The following USP49 variants were observed in gnomAD, a reference collection of about 807,000 sequenced individuals.
The protein encoded by USP49 is ubiquitin carboxyl-terminal hydrolase 49.
Under a neutral mutation model 58.6 loss-of-function variants are expected in USP49, and 24 were observed. The ratio of observed to expected loss-of-function variants is 0.41; its 90% CI spans 0.30 to 0.58. The LOEUF (loss-of-function observed/expected upper bound fraction) is 0.58, where lower values mean the gene tolerates loss of function less well. Ranked by LOEUF, USP49 falls within the 20% of genes least tolerant of loss-of-function variation. USP49 has a pLI of 0.30. For synonymous variants in USP49, 408 were observed against 365.1 expected (o/e 1.12, Z -1.34); for missense variants, 703 against 866.1 (o/e 0.81, Z 2.36).
At chr6:41,812,966 C>T (rs1773285232) in intron 3 of USP49, among the ~76,000 whole-genome samples, 1 of 152,012 alleles carries the variant, frequency 6.6e-6, no homozygotes, top group South Asian at 2.1e-4. Context: ...ATTATTATTA[C>T]ACATTATTAT....
intron 3 of USP49, among the ~76,000 whole-genome samples, chr6:41,852,598 T>C (rs988267344): frequency 2.6e-5 from 4 of 152,228 alleles, no homozygotes; most frequent in Non-Finnish European, 4.4e-5. Context: ...AATGGAAAGA[T>C]ATCCATGTTC....
intron 2 of USP49, among the ~76,000 whole-genome samples, chr6:41,879,536 AAGG>A (rs1455978881): frequency 6.6e-6 from 1 of 152,174 alleles, no homozygotes; most frequent in Non-Finnish European, 1.5e-5. Context: ...AAGCTAAAAA[AAGG>A]AGAATGGAGT....
intron 3 of USP49, among the ~76,000 whole-genome samples, chr6:41,855,953 C>T (rs1237233621): frequency 1.3e-5 from 2 of 151,942 alleles, no homozygotes; most frequent in Admixed American, 1.3e-4. Context: ...GGGGCTGAGG[C>T]AGGAGGATCG....
intron 3 of USP49, among the ~76,000 whole-genome samples, chr6:41,823,904 C>G (rs1335655959): frequency 6.6e-6 from 1 of 152,040 alleles, no homozygotes; most frequent in African/African-American, 2.4e-5. Context: ...AGGGAATCGG[C>G]TGAATGGTGA....
intron 3 of USP49, among the ~76,000 whole-genome samples, chr6:41,854,534 C>T (rs1445911000): frequency 6.6e-6 from 1 of 152,098 alleles, no homozygotes; most frequent in East Asian, 1.9e-4. Context: ...GGGTAAGATT[C>T]CTATCTATTT....
chr6:41,798,509 C>G (rs1772931033), intron 7 of USP49: 1 of 1,375,940 alleles, frequency 7.3e-7, no homozygotes, highest in East Asian at 2.6e-5. Context: ...CTCCTGACCT[C>G]AGGTGATCCA....
intron 6 of USP49, among the ~76,000 whole-genome samples, chr6:41,799,377 G>T (rs1466079966): frequency 6.6e-6 from 1 of 152,128 alleles, no homozygotes; most frequent in East Asian, 1.9e-4. Flanking sequence ...AAAGTTCTAG[G>T]GTTACAGTCA....
chr6:41,840,801 A>G (rs1411599987), intron 3 of USP49, among the ~76,000 whole-genome samples: 2 of 152,152 alleles, frequency 1.3e-5, no homozygotes, highest in Non-Finnish European at 2.9e-5. Context: ...TGTAATGTCT[A>G]ATTTTTAAAA....
chr6:41,844,323 T>A (rs1012268679), intron 3 of USP49, among the ~76,000 whole-genome samples: 13 of 152,244 alleles, frequency 8.5e-5, no homozygotes, highest in Non-Finnish European at 1.9e-4. Flanking sequence ...CTTTCTTTTT[T>A]TTTTTCTTTC....
At chr6:41,845,043 G>A (rs985200827) in intron 3 of USP49, among the ~76,000 whole-genome samples, 1 of 152,074 alleles carries the variant, frequency 6.6e-6, no homozygotes, top group Non-Finnish European at 1.5e-5. Flanking sequence ...TGGGATTACA[G>A]GCACACGCCA....
chr6:41,849,603 TTTTC>T (rs898920149), intron 3 of USP49, among the ~76,000 whole-genome samples: 2 of 151,718 alleles, frequency 1.3e-5, no homozygotes, highest in Non-Finnish European at 2.9e-5. Context: ...GTATCTTTTC[TTTTC>T]TTTCTTTTTT....
At chr6:41,865,827 A>G (rs1582029718) in intron 3 of USP49, among the ~76,000 whole-genome samples, 1 of 85,242 alleles carries the variant, frequency 1.2e-5, no homozygotes, top group African/African-American at 4.7e-5. Flanking sequence ...TTTTTCCCCC[A>G]GAGACTGGGT....
chr6:41,803,890 CTGTT>C lies in USP49; in HGVS notation c.1473_1476del (p.Thr492SerfsTer41). On this transcript the variant is annotated frameshift_variant, in exon 5 of 8. Transcript: ENST00000682992. LOFTEE classifies it high-confidence loss of function. The surrounding 1 kb of genome is among the most constrained non-coding windows in gnomAD (Gnocchi z 4.1). ...GCCAGCATCTCAGTGAGCAAGCACT[CTGTT>C]TGATTCAAAGGGACAAACCCCTTTT... 1.2e-6 allele frequency: 2 copies of C among 1,614,220 alleles called. No individual in the cohort carries two copies. Among genetic ancestry groups the C allele is most frequent in the Non-Finnish European group, 8.5e-7 (1 of 1,180,044 alleles).
At chr6:41,838,497 G>A (rs1773765447) in intron 3 of USP49, among the ~76,000 whole-genome samples, 1 of 152,202 alleles carries the variant, frequency 6.6e-6, no homozygotes, top group East Asian at 1.9e-4. Flanking sequence ...GCTCCACTGG[G>A]TAGCTAGACC....
intron 3 of USP49, among the ~76,000 whole-genome samples, chr6:41,826,562 C>T (rs1005859920): frequency 6.6e-6 from 1 of 151,296 alleles, no homozygotes; most frequent in African/African-American, 2.4e-5. Context: ...TGAGCAGGTT[C>T]AAGAAATAAG....
At chr6:41,864,821 A>T (rs966261849) in intron 3 of USP49, among the ~76,000 whole-genome samples, 5 of 152,156 alleles carry the variant, frequency 3.3e-5, no homozygotes, top group African/African-American at 1.2e-4. Context: ...AAAGAGTCTG[A>T]CAGCCATATT....
intron 3 of USP49, among the ~76,000 whole-genome samples, chr6:41,836,128 T>A (rs1773723036): frequency 1.3e-5 from 2 of 151,878 alleles, no homozygotes; most frequent in South Asian, 4.2e-4. Context: ...TTAACAGACA[T>A]AGGTAGAGTA....
At chr6:41,809,802 G>A (rs1292487080) in intron 3 of USP49, among the ~76,000 whole-genome samples, 3 of 151,714 alleles carry the variant, frequency 2.0e-5, no homozygotes. Context: ...ACTCCAGCCT[G>A]GGTGACAGAG....
Position 41,806,327 on chromosome 6 carries a change from C to G in USP49, c.657G>C (p.Ala219=), listed in dbSNP as rs1409345390. Residue 219 remains alanine, a synonymous_variant, in exon 4 of 8, where the codon GCG becomes GCC. Transcript: ENST00000682992. The surrounding 1 kb of genome is among the most constrained non-coding windows in gnomAD (Gnocchi z 5.9). ...CGGCGGGGCGCGAGGCAGCCGGGCC[C>G]GCGTCGCGGGGCGTGTGCAGGAGCA... The part of the protein sequence containing the change: ...ARLLLHTPRD[A]GPAASRPAAL... 6.5e-7 allele frequency: 1 copy of G among 1,536,324 alleles called. No homozygotes were observed. Among genetic ancestry groups the G allele is most frequent in the Non-Finnish European group, 8.7e-7 (1 of 1,151,648 alleles).
Sources: gnomAD v4.1 joint callset for allele counts (sites outside exome capture counted in the v4.1 genomes callset) on GRCh38, gnomAD v4.1.1 for gene constraint, Gnocchi (gnomAD v3.1) non-coding constraint, MANE v1.5 for transcripts, NCBI Gene and HGNC (gene_info 2026-07-23, HGNC 2026-07-21) for gene names.